Variants in MED15 observed in about 807,000 individuals in gnomAD.
MED15 encodes mediator complex subunit 15, also known as mediator of RNA polymerase II transcription subunit 15.
MED15 carries 41 observed loss-of-function variants against 118.7 expected under a neutral mutation model. The ratio of observed to expected loss-of-function variants is 0.35; its 90% CI spans 0.27 to 0.45. The LOEUF (loss-of-function observed/expected upper bound fraction) is 0.45. Ranked by LOEUF, MED15 falls within the 20% of genes least tolerant of loss-of-function variation. The probability of loss-of-function intolerance (pLI) is 1.00; values close to 1 mark genes in which losing one functional copy is unlikely to be tolerated. For missense variants in MED15, 740 were observed against 1,025.5 expected (o/e 0.72, Z 3.80); for synonymous variants, 436 against 413.9 (o/e 1.05, Z -0.65).
chr22:20,544,392 G>T (rs535345845), intron 2 of MED15, among the ~76,000 whole-genome samples: 74 of 152,258 alleles, frequency 4.9e-4, no homozygotes, highest in Non-Finnish European at 9.7e-4. Flanking sequence ...TAGGCCGGGT[G>T]CGGTGGCTCA....
chr22:20,536,814 G>GT (rs2055097383), intron 1 of MED15, among the ~76,000 whole-genome samples: 1 of 152,198 alleles, frequency 6.6e-6, no homozygotes, highest in African/African-American at 2.4e-5. Context: ...TCCTGAACTG[G>GT]TTGTGAGCCA....
At chr22:20,514,716 C>G (rs1350921252) in intron 1 of MED15, among the ~76,000 whole-genome samples, 1 of 152,178 alleles carries the variant, frequency 6.6e-6, no homozygotes, top group Non-Finnish European at 1.5e-5. Context: ...ACAAAACATA[C>G]AACTGAACAG....
chr22:20,574,442 G>C (rs557555812), intron 8 of MED15: 1 of 152,452 alleles, frequency 6.6e-6, no homozygotes, highest in East Asian at 1.9e-4. Flanking sequence ...TCCCTGTGGA[G>C]ATGAACTTCC....
chr22:20,583,768 T>C, intron 13 of MED15: 1 of 280,184 alleles, frequency 3.6e-6, no homozygotes, highest in Non-Finnish European at 7.0e-6. Flanking sequence ...GGCGACTGCA[T>C]CTCAGTTACC....
chr22:20,585,285 C>G lies in MED15; in HGVS notation c.2131+18C>G. 3 of 1,609,714 alleles carry G rather than the reference C, an allele frequency of 1.9e-6. No individual in the cohort carries two copies. The highest frequency in any genetic ancestry group is 2.2e-5 in the East Asian group (1 of 44,786). On this transcript the variant is annotated intron_variant, in intron 16 of 17. Transcript: ENST00000263205. Reference sequence around the variant, plus strand: ...CAAGCTGGGTGAGTGTCCAGAGGGCCGGGACTGGTGTGGGAAAGCAGGCCC... The same window carrying G: ...CAAGCTGGGTGAGTGTCCAGAGGGCGGGGACTGGTGTGGGAAAGCAGGCCC...
chr22:20,552,820 T>C (rs778988823), intron 3 of MED15: 8 of 337,954 alleles, frequency 2.4e-5, no homozygotes, highest in Non-Finnish European at 3.3e-5. Context: ...ATTTGTTTGC[T>C]CAGGGCTGAG....
chr22:20,519,216 A>G (rs2054358284), intron 1 of MED15, among the ~76,000 whole-genome samples: 1 of 152,120 alleles, frequency 6.6e-6, no homozygotes, highest in African/African-American at 2.4e-5. Context: ...ATAGAATAGC[A>G]GCCAAGGCAT....
At chr22:20,568,725 G>A in intron 8 of MED15, 94 bp downstream of exon 8, 1 of 1,523,632 alleles carries the variant, frequency 6.6e-7, no homozygotes. Context: ...GTTGGATTAG[G>A]GGCTGGGGGC....
At chr22:20,521,392 C>T (rs987503444) in intron 1 of MED15, among the ~76,000 whole-genome samples, 3 of 146,758 alleles carry the variant, frequency 2.0e-5, no homozygotes, top group African/African-American at 7.6e-5. Flanking sequence ...CCACCATGCC[C>T]AGCCTGTGTT....
intron 2 of MED15, among the ~76,000 whole-genome samples, chr22:20,545,787 T>C (rs4821963): frequency 0.71 from 108,154 of 151,926 alleles, 38,744 homozygotes; most frequent in Admixed American, 0.8. Flanking sequence ...GGGCTATGGA[T>C]ACTATCATGG....
intron 1 of MED15, among the ~76,000 whole-genome samples, chr22:20,511,694 G>C (rs1452061886): frequency 1.3e-5 from 2 of 151,696 alleles, no homozygotes; most frequent in African/African-American, 2.4e-5. Flanking sequence ...GGACTCTCCA[G>C]TTCAGCCTCT....
At chr22:20,518,429 T>C (rs1324855195) in intron 1 of MED15, among the ~76,000 whole-genome samples, 1 of 152,168 alleles carries the variant, frequency 6.6e-6, no homozygotes, top group African/African-American at 2.4e-5. Flanking sequence ...CTGGATGCTG[T>C]AGTGTCTGGC....
intron 1 of MED15, chr22:20,508,365 C>T (rs1229651080): frequency 1.5e-6 from 2 of 1,304,082 alleles, no homozygotes; most frequent in African/African-American, 3.0e-5. Flanking sequence ...GAACTCTAGC[C>T]CCTCACCACC....
At chr22:20,515,011 A>G (rs1335822010) in intron 1 of MED15, among the ~76,000 whole-genome samples, 1 of 152,174 alleles carries the variant, frequency 6.6e-6, no homozygotes, top group Non-Finnish European at 1.5e-5. Flanking sequence ...CCTTGAGGCT[A>G]GGGGCCCTGT....
At chr22:20,558,360 T>TTTTGC (rs1275094672) in intron 5 of MED15, among the ~76,000 whole-genome samples, 4 of 151,956 alleles carry the variant, frequency 2.6e-5, no homozygotes, top group Non-Finnish European at 2.9e-5. Flanking sequence ...CCAGGGACTC[T>TTTTGC]CAAAGGGTAG....
In MED15 at chr22:20,585,260, C is replaced by T; in HGVS notation, c.2124C>T (p.Cys708=). Residue 708 remains cysteine, a synonymous_variant, in exon 16 of 18, where the codon TGC becomes TGT. Transcript: ENST00000263205. The stretch of plus-strand genomic sequence containing the variant: ...ACAATGGCACTGTCCACCTGATCTG[C>T]AAGCTGGGTGAGTGTCCAGAGGGCC... ...CSNNGTVHLI[C]KLDDKDLPSV... is the part of the protein sequence containing the mutation. The T allele has an allele frequency of 5.6e-6, 9 of 1,613,088 alleles. No individual in the cohort carries two copies. Among genetic ancestry groups the T allele is most frequent in the Non-Finnish European group, 6.8e-6 (8 of 1,179,632 alleles).
chr22:20,528,593 T>C (rs1258332399), intron 1 of MED15, among the ~76,000 whole-genome samples: 1 of 152,178 alleles, frequency 6.6e-6, no homozygotes, highest in Non-Finnish European at 1.5e-5. Context: ...CACAGACCTG[T>C]ACTGGTCTGT....
Position 20,561,435 on chromosome 22 carries a change from G to A in MED15, c.452-3015G>A, listed in dbSNP as rs141001981. Among the ~76,000 whole-genome samples the A allele has an allele frequency of 2.6e-4, 40 of 151,948 alleles. No homozygotes were observed. The East Asian group carries it at 6.2e-3, about 23-fold the overall frequency. ...CTTGGGAGGCTGAGGCAGGAGAATC[G>A]CTAGAACCCGGGAGGCGGAGGTTGC... On this transcript the variant is annotated intron_variant, in intron 5 of 17. Coordinates refer to ENST00000263205, the MANE Select transcript of MED15 (RefSeq NM_001003891.3).
intron 1 of MED15, among the ~76,000 whole-genome samples, chr22:20,510,786 A>G (rs965553244): frequency 3.9e-5 from 6 of 152,218 alleles, no homozygotes; most frequent in African/African-American, 1.4e-4. Flanking sequence ...GATTTAGTGC[A>G]CACAGAGAAG....
Sources: allele counts gnomAD v4.1 joint callset (sites outside exome capture counted in the v4.1 genomes callset), GRCh38; gene constraint gnomAD v4.1.1; transcripts MANE v1.5; gene names NCBI Gene and HGNC (gene_info 2026-07-23, HGNC 2026-07-21).